The following ZRANB3 variants were observed in gnomAD, a reference collection of about 807,000 sequenced individuals.
ZRANB3 encodes the protein DNA annealing helicase and endonuclease ZRANB3.
ZRANB3 carries 125 observed loss-of-function variants against 133.8 expected under a neutral mutation model. The observed-to-expected ratio is 0.93, with a 90% CI of 0.81 to 1.08. The LOEUF (loss-of-function observed/expected upper bound fraction) is 1.08, where lower values mean the gene tolerates loss of function less well. Ranked by LOEUF, ZRANB3 falls within the 50% of genes least tolerant of loss-of-function variation. ZRANB3 has a pLI of 0.00. For missense variants in ZRANB3, 1,229 were observed against 1,275.5 expected (o/e 0.96, Z 0.56); for synonymous variants, 387 against 432.7 (o/e 0.89, Z 1.31).
Position 135,522,079 on chromosome 2 carries a change from A to C in ZRANB3, c.-8+9048T>G, listed in dbSNP as rs571981428. 8.1e-4 allele frequency among the ~76,000 whole-genome samples: 124 copies of C among 152,306 alleles called. 1 individual carries two copies. Among genetic ancestry groups the C allele is most frequent in the African/African-American group, 2.6e-3 (110 of 41,574 alleles). On this transcript the variant is annotated intron_variant, in intron 1 of 20. Coordinates refer to ENST00000264159, the MANE Select transcript of ZRANB3 (RefSeq NM_032143.4). ...ACACTCCCTTGAAGCAGGGGAGTATAATCAAACAACTTGGATTCTCCTGAA... is the reference window on the plus strand; with the variant it reads ...ACACTCCCTTGAAGCAGGGGAGTATCATCAAACAACTTGGATTCTCCTGAA...
intron 2 of ZRANB3, among the ~76,000 whole-genome samples, chr2:135,393,915 C>G (rs1898525): frequency 6.6e-6 from 1 of 151,838 alleles, no homozygotes; most frequent in African/African-American, 2.4e-5. Context: ...TGGAGTGCAA[C>G]GGCACGATCT....
chr2:135,230,409 G>C, intron 13 of ZRANB3, 104 bp downstream of exon 13: 1 of 1,041,422 alleles, frequency 9.6e-7, no homozygotes, highest in Non-Finnish European at 1.3e-6. Flanking sequence ...CTAAAGTTGT[G>C]CTGAGTCACA....
At chr2:135,225,134 G>A (rs1333161908) in intron 14 of ZRANB3, among the ~76,000 whole-genome samples, 1 of 152,190 alleles carries the variant, frequency 6.6e-6, no homozygotes, top group Non-Finnish European at 1.5e-5. Flanking sequence ...CATACAATGT[G>A]CCAGGCACTG....
intron 8 of ZRANB3, among the ~76,000 whole-genome samples, chr2:135,308,869 C>T (rs1035887213): frequency 1.5e-4 from 23 of 151,868 alleles, no homozygotes; most frequent in Non-Finnish European, 2.4e-4. Context: ...TCCCCTTCTC[C>T]GCCAAAGGAA....
At chr2:135,329,996 G>A (rs1395784334) in intron 6 of ZRANB3, among the ~76,000 whole-genome samples, 1 of 152,176 alleles carries the variant, frequency 6.6e-6, no homozygotes, top group Non-Finnish European at 1.5e-5. Flanking sequence ...CATGTCATCT[G>A]CAAACAGGGA....
intron 2 of ZRANB3, among the ~76,000 whole-genome samples, chr2:135,502,367 T>C (rs2104820305): frequency 6.6e-6 from 1 of 152,368 alleles, no homozygotes; most frequent in East Asian, 1.9e-4. Flanking sequence ...ATCCATATTT[T>C]GTTAGGACTG....
intron 5 of ZRANB3, among the ~76,000 whole-genome samples, chr2:135,348,258 CA>C (rs552945986): frequency 9.7e-4 from 114 of 117,494 alleles, no homozygotes; most frequent in Admixed American, 1.1e-3. Flanking sequence ...GACTCTGTCT[CA>C]AAAAAAAAAA....
At chr2:135,486,890 G>C (rs983716220) in intron 2 of ZRANB3, among the ~76,000 whole-genome samples, 5 of 152,182 alleles carry the variant, frequency 3.3e-5, no homozygotes, top group African/African-American at 4.8e-5. Flanking sequence ...CTATTGATTT[G>C]ACATTTTAAC....
intron 12 of ZRANB3, among the ~76,000 whole-genome samples, chr2:135,232,235 G>A (rs973040786): frequency 2.6e-5 from 4 of 152,246 alleles, no homozygotes; most frequent in African/African-American, 9.6e-5. Context: ...GCTGCAGTGA[G>A]GCTGGGGGAG....
intron 3 of ZRANB3, among the ~76,000 whole-genome samples, chr2:135,389,881 T>G (rs1194415519): frequency 1.5e-5 from 2 of 137,592 alleles, no homozygotes; most frequent in Non-Finnish European, 3.2e-5. Context: ...TTATTCTTTT[T>G]TTTTTTTTTT....
rs1235610649 is a variant in ZRANB3, at chr2:135,367,754, G to T, written c.181-14126C>A. Among the ~76,000 whole-genome samples, 4 of 152,056 alleles carry T rather than the reference G, an allele frequency of 2.6e-5. No homozygotes were observed. The South Asian group carries it at 6.2e-4, about 24-fold the overall frequency. Reference sequence around the variant, plus strand: ...ATGCAATGTCACCATGATCTCCAGGGTAGTACTATGACAAGGTGAAAAATA... The same window carrying T: ...ATGCAATGTCACCATGATCTCCAGGTTAGTACTATGACAAGGTGAAAAATA... On this transcript the variant is annotated intron_variant, in intron 3 of 20. Coordinates refer to ENST00000264159, the MANE Select transcript of ZRANB3 (RefSeq NM_032143.4).
intron 6 of ZRANB3, among the ~76,000 whole-genome samples, chr2:135,323,184 TG>T (rs1683627651): frequency 6.6e-6 from 1 of 152,338 alleles, no homozygotes; most frequent in East Asian, 1.9e-4. Flanking sequence ...TGTAGTATTT[TG>T]CTTTCCAACC....
chr2:135,335,414 G>T (rs927709021), intron 6 of ZRANB3, among the ~76,000 whole-genome samples: 2 of 152,048 alleles, frequency 1.3e-5, no homozygotes, highest in East Asian at 3.9e-4. Context: ...GGAAGAGGCT[G>T]GGCGCTGTGC....
chr2:135,406,575 A>C (rs1456937001), intron 2 of ZRANB3, among the ~76,000 whole-genome samples: 1 of 152,184 alleles, frequency 6.6e-6, no homozygotes, highest in Non-Finnish European at 1.5e-5. Context: ...ATCCTCAATA[A>C]AATACTGGCA....
chr2:135,345,615 A>G lies in ZRANB3; in HGVS notation c.612T>C (p.Ala204=). ...RPEELFMQIE[A]LFPQKFGRWT... ...ATCTTCCAAATTTTTGTGGAAAGAG[A>G]GCTTCAATCTGCATAAAAAGCTATA... Residue 204 remains alanine, a synonymous_variant, in exon 6 of 21, where the codon GCT becomes GCC. Coordinates refer to ENST00000264159, the MANE Select transcript of ZRANB3 (RefSeq NM_032143.4). The G allele has an allele frequency of 6.2e-7, 1 of 1,611,758 alleles. No homozygotes were observed. The highest frequency in any genetic ancestry group is 1.3e-5 in the African/African-American group (1 of 75,022).
intron 2 of ZRANB3, among the ~76,000 whole-genome samples, chr2:135,396,686 G>A (rs1255981494): frequency 6.6e-6 from 1 of 151,944 alleles, no homozygotes; most frequent in Non-Finnish European, 1.5e-5. Flanking sequence ...GGTGGGGTAG[G>A]GGGAAAGTCG....
chr2:135,527,708 A>G (rs1694218339), intron 1 of ZRANB3, among the ~76,000 whole-genome samples: 2 of 152,244 alleles, frequency 1.3e-5, no homozygotes, highest in Non-Finnish European at 1.5e-5. Flanking sequence ...CACAAATGAT[A>G]ATACTGGTAT....
intron 3 of ZRANB3, among the ~76,000 whole-genome samples, chr2:135,381,722 C>T (rs1209223481): frequency 6.6e-6 from 1 of 152,138 alleles, no homozygotes; most frequent in Non-Finnish European, 1.5e-5. Context: ...GCTGGTGATA[C>T]CCAGGAAACC....
chr2:135,335,387 A>G (rs1406968140), intron 6 of ZRANB3, among the ~76,000 whole-genome samples: 1 of 152,076 alleles, frequency 6.6e-6, no homozygotes, highest in Admixed American at 6.6e-5. Context: ...ATTCAAACAT[A>G]ACATTAACAC....
Sources: allele counts gnomAD v4.1 joint callset (sites outside exome capture counted in the v4.1 genomes callset), GRCh38; gene constraint gnomAD v4.1.1; transcripts MANE v1.5; gene names NCBI Gene and HGNC (gene_info 2026-07-23, HGNC 2026-07-21).